Variants in WNT2 observed in about 807,000 individuals in gnomAD.
WNT2 encodes Wnt family member 2.
In WNT2, 12 loss-of-function variants were observed where a neutral mutation model predicts 36.9. The observed-to-expected ratio is 0.33, with a 90% CI of 0.21 to 0.53. The LOEUF (loss-of-function observed/expected upper bound fraction) is 0.53. WNT2 is among the 20% of genes least tolerant of loss of function. The pLI, the probability that WNT2 is intolerant of heterozygous loss-of-function variation, is 0.95. For missense variants in WNT2, 379 were observed against 473.1 expected, an observed-to-expected ratio of 0.80 and a Z score of 1.84; for synonymous variants, 163 against 174.6, an observed-to-expected ratio of 0.93 and a Z score of 0.52.
intron 3 of WNT2, among the ~76,000 whole-genome samples, chr7:117,305,144 G>A (rs958358407): frequency 1.3e-5 from 2 of 152,126 alleles, no homozygotes; most frequent in East Asian, 1.9e-4. Flanking sequence ...TCCAGCCCGC[G>A]TCCTCTAGGG....
chr7:117,304,869 G>GT (rs1165612768), intron 3 of WNT2, among the ~76,000 whole-genome samples: 1 of 152,180 alleles, frequency 6.6e-6, no homozygotes, highest in East Asian at 1.9e-4. Context: ...TTCCATCAGA[G>GT]TAACAGTCCT....
chr7:117,280,893 T>C (rs545318778), intron 4 of WNT2, among the ~76,000 whole-genome samples: 15 of 152,326 alleles, frequency 9.8e-5, no homozygotes, highest in African/African-American at 3.1e-4. Flanking sequence ...TCTGGGAACA[T>C]GGGATATATC....
At position 117,284,613 on chromosome 7, in the gene WNT2, T is replaced by C. The variant is rs987113239; in HGVS notation, c.854-6229A>G. 2.6e-5 allele frequency among the ~76,000 whole-genome samples: 4 copies of C among 152,184 alleles called. No individual in the cohort carries two copies. The highest frequency in any genetic ancestry group is 9.7e-5 in the African/African-American group (4 of 41,444). On this transcript the variant is annotated intron_variant, in intron 4 of 4. Transcript: ENST00000265441. This position sits in a 1 kb window ranked among gnomAD's most constrained non-coding sequence, Gnocchi z 5.2. ...CCAAGCTGAATGGAGTGAAAGTTCA[T>C]TCATCCTTTCTCACTTTTTTTTCCC...
chr7:117,278,423 G>C, intron 4 of WNT2, 39 bp from the exon 5 acceptor site: 3 of 1,578,808 alleles, frequency 1.9e-6, no homozygotes, highest in Non-Finnish European at 2.6e-6. Flanking sequence ...AAAAGGTCTG[G>C]GTGGAATCCA....
rs78784464 is a variant in WNT2, at chr7:117,312,010, C to T, written c.588+3061G>A. On this transcript the variant is annotated intron_variant, in intron 3 of 4. Coordinates refer to ENST00000265441, the MANE Select transcript of WNT2 (RefSeq NM_003391.3). ...TCTTATTCTTATGGAAATTCCTACT[C>T]TTATAGAAACTTTCAGAGTGATGGA... Among the ~76,000 whole-genome samples, 1,129 of 152,264 alleles carry T rather than the reference C, an allele frequency of 7.4e-3. 18 individuals are homozygous for T. The highest frequency in any genetic ancestry group is 0.026 in the African/African-American group (1,084 of 41,542).
intron 4 of WNT2, among the ~76,000 whole-genome samples, chr7:117,281,842 A>G (rs1794495118): frequency 6.6e-6 from 1 of 152,172 alleles, no homozygotes; most frequent in Non-Finnish European, 1.5e-5. Flanking sequence ...CACACCAAGG[A>G]GGTAACTGGC....
chr7:117,281,198 A>G (rs1194727343), intron 4 of WNT2, among the ~76,000 whole-genome samples: 1 of 152,154 alleles, frequency 6.6e-6, no homozygotes, highest in Non-Finnish European at 1.5e-5. Flanking sequence ...ATGAGCATAG[A>G]AAGGGAGGCT....
chr7:117,290,657 A>G (rs1200782030), intron 4 of WNT2, among the ~76,000 whole-genome samples: 2 of 152,240 alleles, frequency 1.3e-5, no homozygotes, highest in Non-Finnish European at 2.9e-5. Flanking sequence ...CTTATAACAG[A>G]GCAATGCAAC....
chr7:117,317,249 GAAAT>G (rs1795237939), intron 2 of WNT2, among the ~76,000 whole-genome samples: 1 of 152,180 alleles, frequency 6.6e-6, no homozygotes, highest in South Asian at 2.1e-4. Flanking sequence ...AGCAACAAGA[GAAAT>G]AAATTGTCTA....
chr7:117,321,862 G>A (rs1011601802), intron 1 of WNT2, among the ~76,000 whole-genome samples: 3 of 152,116 alleles, frequency 2.0e-5, no homozygotes, highest in Non-Finnish European at 4.4e-5. Flanking sequence ...GTTCAAAGCC[G>A]GCTTAGGAAG....
intron 4 of WNT2, among the ~76,000 whole-genome samples, chr7:117,286,211 T>C (rs1437624718): frequency 1.3e-5 from 2 of 152,176 alleles, no homozygotes; most frequent in African/African-American, 2.4e-5. Flanking sequence ...CCGAGGGAAC[T>C]TGATGGAATT....
intron 4 of WNT2, among the ~76,000 whole-genome samples, chr7:117,291,196 A>G (rs909600438): frequency 1.3e-5 from 2 of 152,226 alleles, no homozygotes; most frequent in African/African-American, 4.8e-5. Context: ...TGCTTACACC[A>G]TTCACAGCCT....
At chr7:117,293,210 GA>G (rs76599649) in intron 4 of WNT2, among the ~76,000 whole-genome samples, 23,070 of 152,064 alleles carry the variant, frequency 0.15, 2,362 homozygotes, top group East Asian at 0.44. Flanking sequence ...ACTTCCTTTG[GA>G]AAAAAGTAGA....
intron 3 of WNT2, among the ~76,000 whole-genome samples, chr7:117,304,120 G>A (rs1026330298): frequency 6.6e-6 from 1 of 152,204 alleles, no homozygotes; most frequent in Non-Finnish European, 1.5e-5. Flanking sequence ...ATTCTTGCAT[G>A]TCTGACATGT....
chr7:117,298,931 G>A (rs1237294370), intron 3 of WNT2, among the ~76,000 whole-genome samples: 7 of 152,142 alleles, frequency 4.6e-5, no homozygotes, highest in East Asian at 3.8e-4. Flanking sequence ...TCCCCAGGTC[G>A]GGCCTTGGCA....
chr7:117,295,677 G>A (rs922308489), intron 4 of WNT2, among the ~76,000 whole-genome samples: 30 of 152,172 alleles, frequency 2.0e-4, no homozygotes, highest in African/African-American at 7.2e-4. Flanking sequence ...GCTCCCCAAG[G>A]CCTTTTCACA....
At chr7:117,295,714 C>A (rs1794776929) in intron 4 of WNT2, among the ~76,000 whole-genome samples, 2 of 152,286 alleles carry the variant, frequency 1.3e-5, no homozygotes, top group South Asian at 2.1e-4. Context: ...CAGGCAGGAG[C>A]AACTGTCTAA....
At chr7:117,281,866 G>A (rs114682729) in intron 4 of WNT2, among the ~76,000 whole-genome samples, 156 of 152,278 alleles carry the variant, frequency 1.0e-3, no homozygotes, top group African/African-American at 3.6e-3. Context: ...CTCGATGAGA[G>A]CAGTTTCAGT....
At chr7:117,295,771 C>A (rs191592123) in intron 4 of WNT2, among the ~76,000 whole-genome samples, 2 of 152,178 alleles carry the variant, frequency 1.3e-5, no homozygotes, top group African/African-American at 4.8e-5. Flanking sequence ...CCTCTCCTAC[C>A]GGTGAGATCG....
Sources: gnomAD v4.1 joint callset for allele counts (sites outside exome capture counted in the v4.1 genomes callset) on GRCh38, gnomAD v4.1.1 for gene constraint, Gnocchi (gnomAD v3.1) non-coding constraint, MANE v1.5 for transcripts, NCBI Gene and HGNC (gene_info 2026-07-23, HGNC 2026-07-21) for gene names.